NCK2: variants seen among roughly 807,000 people sequenced by gnomAD.
NCK2 encodes cytoplasmic protein NCK2.
In NCK2, 16 loss-of-function variants were observed where a neutral mutation model predicts 33.9. The observed-to-expected ratio is 0.47, with a 90% CI of 0.32 to 0.72. The LOEUF (loss-of-function observed/expected upper bound fraction) is 0.72, where lower values mean the gene tolerates loss of function less well. Among genes scored for constraint, NCK2 ranks in the 30% least tolerant of loss-of-function variants. The probability of loss-of-function intolerance (pLI) is 0.03; values close to 1 mark genes in which losing one functional copy is unlikely to be tolerated. For missense variants in NCK2, 418 were observed against 537.3 expected, an observed-to-expected ratio of 0.78 and a Z score of 2.19; for synonymous variants, 273 against 239.9, an observed-to-expected ratio of 1.14 and a Z score of -1.27.
intron 1 of NCK2, among the ~76,000 whole-genome samples, chr2:105,781,966 T>C (rs1690512427): frequency 6.6e-6 from 1 of 152,210 alleles, no homozygotes; most frequent in South Asian, 2.1e-4. Flanking sequence ...TTCTTGACTA[T>C]GAAGTTGAGA....
At chr2:105,870,985 G>A (rs375726594) in intron 3 of NCK2, among the ~76,000 whole-genome samples, 2 of 152,088 alleles carry the variant, frequency 1.3e-5, no homozygotes, top group East Asian at 3.9e-4. Flanking sequence ...GGGTCAGCGT[G>A]TTGTGTGCTT....
At chr2:105,775,672 T>C (rs2104390095) in intron 1 of NCK2, among the ~76,000 whole-genome samples, 1 of 152,320 alleles carries the variant, frequency 6.6e-6, no homozygotes, top group African/African-American at 2.4e-5. Context: ...ATTACAACTG[T>C]TTGAAAATTA....
intron 2 of NCK2, among the ~76,000 whole-genome samples, chr2:105,842,155 G>T (rs1286383361): frequency 6.6e-6 from 1 of 151,768 alleles, no homozygotes; most frequent in Admixed American, 6.6e-5. Context: ...GCGCGACCTC[G>T]GCTCACTGCA....
intron 2 of NCK2, among the ~76,000 whole-genome samples, chr2:105,823,006 G>A (rs1292090219): frequency 1.3e-5 from 2 of 152,008 alleles, no homozygotes; most frequent in East Asian, 3.8e-4. Flanking sequence ...TAAGAGAACA[G>A]CATTAAATAA....
chr2:105,832,592 A>G (rs531794133), intron 2 of NCK2, among the ~76,000 whole-genome samples: 2 of 152,166 alleles, frequency 1.3e-5, no homozygotes, highest in African/African-American at 4.8e-5. Flanking sequence ...GATGTGATGT[A>G]TCACATTTAT....
chr2:105,891,185 C>T (rs181173918), intron 4 of NCK2, among the ~76,000 whole-genome samples: 146 of 152,324 alleles, frequency 9.6e-4, no homozygotes, highest in Non-Finnish European at 1.6e-3. Flanking sequence ...CTCACATACT[C>T]CCTCTCACAT....
At chr2:105,842,896 G>C (rs192460740) in intron 2 of NCK2, among the ~76,000 whole-genome samples, 85 of 151,740 alleles carry the variant, frequency 5.6e-4, no homozygotes, top group Admixed American at 1.8e-3. Flanking sequence ...GTGGTGGGGT[G>C]GGGGGGTTCT....
At chr2:105,835,402 T>TATATATATATACAC (rs1278239028) in intron 2 of NCK2, among the ~76,000 whole-genome samples, 1 of 73,116 alleles carries the variant, frequency 1.4e-5, no homozygotes, top group Non-Finnish European at 3.3e-5. Flanking sequence ...TATATATATA[T>TATATATATATACAC]ATACGTGTAT....
chr2:105,789,603 C>A (rs1055269634), intron 1 of NCK2, among the ~76,000 whole-genome samples: 4 of 152,204 alleles, frequency 2.6e-5, no homozygotes, highest in Admixed American at 6.5e-5. Context: ...GATCCTCTTG[C>A]TACATAAAAT....
chr2:105,888,194 A>T lies in NCK2; in HGVS notation c.949-4788A>T, dbSNP rs80039360. ...GATTCCACTTGGAAAATGACTTCTG[A>T]AAAGAAGGGTCAAATGAATGGGTTG... On this transcript the variant is annotated intron_variant, in intron 4 of 4. Transcript: ENST00000233154. 5.2e-3 allele frequency among the ~76,000 whole-genome samples: 797 copies of T among 152,286 alleles called. 7 individuals carry two copies. The highest frequency in any genetic ancestry group is 0.018 in the African/African-American group (759 of 41,556).
chr2:105,880,675 C>T (rs2104657164), intron 3 of NCK2, among the ~76,000 whole-genome samples: 1 of 152,296 alleles, frequency 6.6e-6, no homozygotes, highest in South Asian at 2.1e-4. Context: ...ATTTTCTCTG[C>T]ATTTATACTT....
chr2:105,874,746 G>T (rs1678167987), intron 3 of NCK2, among the ~76,000 whole-genome samples: 1 of 152,206 alleles, frequency 6.6e-6, no homozygotes, highest in South Asian at 2.1e-4. Flanking sequence ...TCTGAAAGGG[G>T]ATATAAAAGA....
chr2:105,744,865 T>TCGCCGCCGCAGGGTCGC (rs1369981880), upstream of NCK2: 1 of 153,268 alleles, frequency 6.5e-6, no homozygotes, highest in Non-Finnish European at 1.3e-5. Context: ...CGGGGGAGGG[T>TCGCCGCCGCAGGGTCGC]CGCCGCCGCC....
At chr2:105,891,213 CTT>C (rs1274427148) in intron 4 of NCK2, among the ~76,000 whole-genome samples, 1 of 152,200 alleles carries the variant, frequency 6.6e-6, no homozygotes, top group Admixed American at 6.5e-5. Flanking sequence ...CGCTCACACA[CTT>C]AGAGCTGCGG....
intron 2 of NCK2, among the ~76,000 whole-genome samples, chr2:105,817,398 A>T (rs1675535229): frequency 6.6e-6 from 1 of 152,200 alleles, no homozygotes; most frequent in Non-Finnish European, 1.5e-5. Context: ...ACATCTTAAG[A>T]CATTTAACTT....
intron 2 of NCK2, chr2:105,847,086 TAAATG>T (rs761807304): frequency 6.6e-6 from 1 of 152,198 alleles, no homozygotes; most frequent in Admixed American, 6.5e-5. Flanking sequence ...TGATTCCACT[TAAATG>T]AGGTACCTGG....
At chr2:105,751,822 A>G (rs531067747) in intron 1 of NCK2, among the ~76,000 whole-genome samples, 3 of 152,296 alleles carry the variant, frequency 2.0e-5, no homozygotes, top group East Asian at 3.9e-4. Context: ...TGCAAATGCC[A>G]TTTGAACTGA....
chr2:105,755,414 G>C (rs1051371075), intron 1 of NCK2, among the ~76,000 whole-genome samples: 2 of 149,874 alleles, frequency 1.3e-5, no homozygotes, highest in Non-Finnish European at 3.0e-5. Flanking sequence ...TTCTTAACTT[G>C]ATTGTGCCGA....
chr2:105,800,995 T>G (rs1674813108), intron 1 of NCK2, among the ~76,000 whole-genome samples: 1 of 152,174 alleles, frequency 6.6e-6, no homozygotes, highest in Admixed American at 6.5e-5. Flanking sequence ...GCAAATGTTC[T>G]AATTTTCTAA....
Sources: gnomAD v4.1 joint callset for allele counts (sites outside exome capture counted in the v4.1 genomes callset) on GRCh38, gnomAD v4.1.1 for gene constraint, MANE v1.5 for transcripts, NCBI Gene and HGNC (gene_info 2026-07-23, HGNC 2026-07-21) for gene names.